Variants in SMYD3 observed in about 807,000 individuals in gnomAD.
SMYD3 encodes SET and MYND domain containing 3.
In SMYD3, 36 loss-of-function variants were observed where a neutral mutation model predicts 57.7. That is an observed-to-expected ratio of 0.62 (90% CI 0.48 to 0.82). The LOEUF (loss-of-function observed/expected upper bound fraction) is 0.82, where lower values mean the gene tolerates loss of function less well. Ranked by LOEUF, SMYD3 falls within the 40% of genes least tolerant of loss-of-function variation. SMYD3 has a pLI of 0.00. For missense variants in SMYD3, 515 were observed against 538.8 expected, an observed-to-expected ratio of 0.96 and a Z score of 0.44; for synonymous variants, 211 against 195.0, an observed-to-expected ratio of 1.08 and a Z score of -0.68.
At chr1:245,852,986 A>G (rs780662186) in intron 10 of SMYD3, among the ~76,000 whole-genome samples, 2 of 152,218 alleles carry the variant, frequency 1.3e-5, no homozygotes, top group Non-Finnish European at 2.9e-5. Flanking sequence ...GTCTTCCACT[A>G]AAGATACTTT....
intron 10 of SMYD3, among the ~76,000 whole-genome samples, chr1:245,822,454 G>A (rs1442928829): frequency 6.7e-6 from 1 of 149,466 alleles, no homozygotes; most frequent in African/African-American, 2.5e-5. Flanking sequence ...GCTAGATGAC[G>A]AGTTAGTGGG....
chr1:246,053,286 C>T (rs911727801), intron 5 of SMYD3, among the ~76,000 whole-genome samples: 2 of 151,882 alleles, frequency 1.3e-5, no homozygotes, highest in African/African-American at 2.4e-5. Context: ...CATTTCACAC[C>T]ATTTCAATCA....
chr1:246,011,015 C>T (rs1558149322), intron 5 of SMYD3, among the ~76,000 whole-genome samples: 1 of 152,154 alleles, frequency 6.6e-6, no homozygotes, highest in Non-Finnish European at 1.5e-5. Context: ...TCCCCATATG[C>T]GGCCCAGGAA....
chr1:246,341,665 T>C (rs879651804), intron 2 of SMYD3, among the ~76,000 whole-genome samples: 3 of 152,252 alleles, frequency 2.0e-5, no homozygotes, highest in African/African-American at 4.8e-5. Flanking sequence ...AGTGTATTGA[T>C]GAGATGTTAC....
intron 5 of SMYD3, among the ~76,000 whole-genome samples, chr1:246,192,914 A>G (rs1341701731): frequency 6.6e-6 from 1 of 152,178 alleles, no homozygotes; most frequent in Non-Finnish European, 1.5e-5. Flanking sequence ...TCAAAAAAAA[A>G]AAAGAAATGT....
intron 5 of SMYD3, among the ~76,000 whole-genome samples, chr1:246,232,671 C>A (rs200812348): frequency 1.1e-5 from 1 of 90,798 alleles, no homozygotes; most frequent in African/African-American, 4.3e-5. Context: ...CTCCTTCAAT[C>A]CACACTGTGA....
At chr1:245,793,136 C>A (rs35759946) in intron 10 of SMYD3, among the ~76,000 whole-genome samples, 8 of 146,284 alleles carry the variant, frequency 5.5e-5, no homozygotes, top group African/African-American at 1.3e-4. Context: ...GGTGAAACCC[C>A]GTCTCTACTA....
chr1:245,817,300 A>T (rs976849188), intron 10 of SMYD3, among the ~76,000 whole-genome samples: 1 of 143,036 alleles, frequency 7.0e-6, no homozygotes, highest in African/African-American at 2.7e-5. Flanking sequence ...GACACCTCAC[A>T]TGGCAGGGTA....
At chr1:245,836,566 C>T (rs1008078295) in intron 10 of SMYD3, among the ~76,000 whole-genome samples, 2 of 152,154 alleles carry the variant, frequency 1.3e-5, no homozygotes, top group African/African-American at 2.4e-5. Flanking sequence ...GGGCACCTCT[C>T]TAGGATGCGT....
intron 10 of SMYD3, among the ~76,000 whole-genome samples, chr1:245,839,878 CAAG>C (rs2050314622): frequency 1.3e-5 from 2 of 151,780 alleles, no homozygotes; most frequent in Admixed American, 1.3e-4. Context: ...TTGAGAGACT[CAAG>C]AAGATGCTGC....
rs921494342 is a variant in SMYD3 at position 246,202,427 on chromosome 1, G to A, written c.531+124774C>T. ...AAGTTCTTTTTCCAACCAAGTCAGA[G>A]GACTCCTGCTACTGCAAACCCCAGG... On this transcript the variant is annotated intron_variant, in intron 5 of 11. Transcript: ENST00000490107. The surrounding 1 kb of genome is among the most constrained non-coding windows in gnomAD (Gnocchi z 4.1). Among the ~76,000 whole-genome samples, 1 of 152,106 alleles carries A rather than the reference G, an allele frequency of 6.6e-6. No homozygotes were observed. The highest frequency in any genetic ancestry group is 2.4e-5 in the African/African-American group (1 of 41,410).
intron 5 of SMYD3, among the ~76,000 whole-genome samples, chr1:245,985,112 C>T (rs1040858725): frequency 6.6e-6 from 1 of 152,112 alleles, no homozygotes; most frequent in Admixed American, 6.5e-5. Context: ...CCTGGATCTC[C>T]TACCACCTCC....
chr1:246,448,701 TTTTAAAAAAAAA>T (rs1426901949), intron 1 of SMYD3, among the ~76,000 whole-genome samples: 5 of 82,048 alleles, frequency 6.1e-5, no homozygotes, highest in Non-Finnish European at 1.2e-4. Context: ...CATCTCTTTT[TTTTAAAAAAAAA>T]AAAAAAAAAA....
intron 5 of SMYD3, among the ~76,000 whole-genome samples, chr1:246,263,822 A>C (rs2064056080): frequency 1.3e-5 from 2 of 152,246 alleles, no homozygotes; most frequent in Admixed American, 6.5e-5. Context: ...AGAAGAAATT[A>C]CGTTAACCAC....
At chr1:246,384,366 C>T (rs1449137047) in intron 1 of SMYD3, among the ~76,000 whole-genome samples, 1 of 151,944 alleles carries the variant, frequency 6.6e-6, no homozygotes, top group East Asian at 1.9e-4. Flanking sequence ...GAAAATGTAA[C>T]CATTGAACAA....
At position 245,858,841 on chromosome 1, in the gene SMYD3, G is replaced by C. The variant is rs571311318; in HGVS notation, c.902-171C>G. On this transcript the variant is annotated intron_variant, in intron 9 of 11. Coordinates refer to ENST00000490107, the MANE Select transcript of SMYD3 (RefSeq NM_001167740.2). ...ACTTGAGAAGCAAAAGCACAGAAGAGGCATCTCAGTGAAGTGAATTCTGTT... is the reference window on the plus strand; with the variant it reads ...ACTTGAGAAGCAAAAGCACAGAAGACGCATCTCAGTGAAGTGAATTCTGTT... 4.6e-5 allele frequency among the ~76,000 whole-genome samples: 7 copies of C among 152,294 alleles called. No individual in the cohort carries two copies. The East Asian group carries it at 1.2e-3, about 25-fold the overall frequency.
chr1:246,328,635 T>A (rs1394171268), intron 4 of SMYD3, among the ~76,000 whole-genome samples: 2 of 151,994 alleles, frequency 1.3e-5, no homozygotes, highest in East Asian at 3.8e-4. Flanking sequence ...CTATTTTATA[T>A]GCTTGTTAAT....
At chr1:246,169,055 A>C (rs570593553) in intron 5 of SMYD3, among the ~76,000 whole-genome samples, 1 of 152,188 alleles carries the variant, frequency 6.6e-6, no homozygotes, top group Non-Finnish European at 1.5e-5. Context: ...ATATGAAAAG[A>C]AGTCTCTGCT....
At chr1:246,099,059 G>A (rs184688935) in intron 5 of SMYD3, among the ~76,000 whole-genome samples, 22 of 152,146 alleles carry the variant, frequency 1.4e-4, no homozygotes, top group African/African-American at 5.3e-4. Flanking sequence ...TAATGCTAGA[G>A]ACCTACAATA....
Sources: gnomAD v4.1 joint callset for allele counts (sites outside exome capture counted in the v4.1 genomes callset) on GRCh38, gnomAD v4.1.1 for gene constraint, Gnocchi (gnomAD v3.1) non-coding constraint, MANE v1.5 for transcripts, NCBI Gene and HGNC (gene_info 2026-07-23, HGNC 2026-07-21) for gene names.